PDE1C: variants seen among roughly 807,000 people sequenced by gnomAD.
The protein encoded by PDE1C is phosphodiesterase 1C.
PDE1C carries 62 observed loss-of-function variants against 93.1 expected under a neutral mutation model. The observed-to-expected ratio is 0.67, with a 90% confidence interval of 0.54 to 0.82. The LOEUF is 0.82. Among genes scored for constraint, PDE1C ranks in the 40% least tolerant of loss-of-function variants. The pLI, the probability that PDE1C is intolerant of heterozygous loss-of-function variation, is 0.00. For missense variants in PDE1C, 742 were observed against 884.6 expected (o/e 0.84, Z 2.04); for synonymous variants, 325 against 310.1 (o/e 1.05, Z -0.50).
intron 1 of PDE1C, among the ~76,000 whole-genome samples, chr7:32,251,250 C>G (rs777632646): frequency 4.0e-5 from 6 of 148,644 alleles, no homozygotes; most frequent in Non-Finnish European, 9.0e-5. Context: ...AGACCTAGAC[C>G]TGAATCCGGC....
At chr7:31,973,466 G>C (rs1309801445) in intron 2 of PDE1C, among the ~76,000 whole-genome samples, 1 of 152,108 alleles carries the variant, frequency 6.6e-6, no homozygotes, top group African/African-American at 2.4e-5. Context: ...ATGGGAAAAA[G>C]TCAAAGTTTG....
chr7:31,872,413 A>G (rs1796055630), intron 6 of PDE1C, among the ~76,000 whole-genome samples: 1 of 152,146 alleles, frequency 6.6e-6, no homozygotes, highest in Non-Finnish European at 1.5e-5. Flanking sequence ...AGAAATGATA[A>G]ATAATGCGGG....
chr7:31,737,774 C>T, the PDE1C span, among the ~76,000 whole-genome samples: 3 of 135,456 alleles, frequency 2.2e-5, no homozygotes, highest in African/African-American at 8.9e-5. Context: ...GCACTCCAGC[C>T]TGGGTGAGAG....
chr7:31,780,532 A>G (rs1783325303), intron 16 of PDE1C, among the ~76,000 whole-genome samples: 1 of 152,206 alleles, frequency 6.6e-6, no homozygotes, highest in African/African-American at 2.4e-5. Flanking sequence ...TTAAATTTGC[A>G]TGATTTTAGA....
chr7:32,260,332 C>A (rs1810106947), intron 1 of PDE1C, among the ~76,000 whole-genome samples: 1 of 152,232 alleles, frequency 6.6e-6, no homozygotes, highest in Admixed American at 6.5e-5. Flanking sequence ...CCTTATTCAA[C>A]TTTTCTCAGT....
the PDE1C span, among the ~76,000 whole-genome samples, chr7:31,623,833 C>T: frequency 6.6e-6 from 1 of 152,128 alleles, no homozygotes; most frequent in African/African-American, 2.4e-5. Flanking sequence ...GTCAAATTGT[C>T]CCTGTTTGCA....
At position 32,344,568 on chromosome 7, in the gene PDE1C, T is replaced by G. The variant is rs186532520; in HGVS notation, c.310+83254A>C. ...GCACTAACTGAGGCCTCTCCCTTTGTTTTTCTTTCCCCCAGATATCACTTT... is the reference window on the plus strand; with the variant it reads ...GCACTAACTGAGGCCTCTCCCTTTGGTTTTCTTTCCCCCAGATATCACTTT... On this transcript the variant is annotated intron_variant, in intron 1 of 1. Transcript: ENST00000672256. 2.0e-5 allele frequency among the ~76,000 whole-genome samples: 3 copies of G among 152,214 alleles called. No individual in the cohort carries two copies. The East Asian group carries it at 5.8e-4, about 29-fold the overall frequency.
chr7:32,023,537 A>C (rs1016977584), intron 2 of PDE1C, among the ~76,000 whole-genome samples: 3 of 152,074 alleles, frequency 2.0e-5, no homozygotes, highest in Non-Finnish European at 2.9e-5. Context: ...AACATCCTTC[A>C]GGGCATGAAT....
chr7:32,082,757 C>T (rs900419922), intron 3 of PDE1C, among the ~76,000 whole-genome samples: 6 of 152,224 alleles, frequency 3.9e-5, no homozygotes, highest in Non-Finnish European at 7.3e-5. Context: ...TGAAGTGGAC[C>T]TCTAGCAAAC....
chr7:32,163,249 C>T (rs780654705), intron 3 of PDE1C, among the ~76,000 whole-genome samples: 5 of 152,042 alleles, frequency 3.3e-5, no homozygotes, highest in Non-Finnish European at 7.4e-5. Flanking sequence ...AGGGCGGGGC[C>T]GAAGCTCCAG....
intron 9 of PDE1C, among the ~76,000 whole-genome samples, chr7:31,840,819 T>C (rs1791768843): frequency 6.6e-6 from 1 of 152,148 alleles, no homozygotes; most frequent in Non-Finnish European, 1.5e-5. Context: ...ATACTGTAAC[T>C]TAAGCATGCT....
At chr7:32,011,932 G>A (rs1787178236) in intron 2 of PDE1C, among the ~76,000 whole-genome samples, 1 of 152,106 alleles carries the variant, frequency 6.6e-6, no homozygotes, top group Non-Finnish European at 1.5e-5. Flanking sequence ...CCAAATGCCA[G>A]CCAACAGTGA....
At chr7:31,692,655 C>T in the PDE1C span, 2 of 761,262 alleles carry the variant, frequency 2.6e-6, no homozygotes, top group Non-Finnish European at 4.3e-6. Context: ...TGGTGACAGC[C>T]AACACCAGAT....
Position 32,070,335 on chromosome 7 carries a change from T to C in PDE1C, c.59A>G (p.Gln20Arg). Residue 20 changes from glutamine to arginine, a missense_variant, in exon 1 of 18, where the codon CAA becomes CGA. Physicochemically the swap from Gln to Arg is conservative, Grantham distance 43 (BLOSUM62 1). Coordinates refer to ENST00000396191, the MANE Select transcript of PDE1C (RefSeq NM_001191057.4). Reference protein sequence around the residue: ...EFESNSLKYLQPEQIEKIWLR... With the variant: ...EFESNSLKYLRPEQIEKIWLR... ...CCAGATTTTCTCGATCTGTTCCGGT[T>C]GCAGGTATTTCAGAGAGTTGCTCTC... 1 of 1,614,238 alleles carries C rather than the reference T, an allele frequency of 6.2e-7. No homozygotes were observed. The highest frequency in any genetic ancestry group is 8.5e-7 in the Non-Finnish European group (1 of 1,180,042).
the PDE1C span, among the ~76,000 whole-genome samples, chr7:31,633,979 G>A: frequency 8.5e-5 from 13 of 152,102 alleles, no homozygotes; most frequent in Admixed American, 3.3e-4. Context: ...GAATTCAGAA[G>A]CTTTTATTAC....
intron 2 of PDE1C, among the ~76,000 whole-genome samples, chr7:32,014,237 C>A (rs557632013): frequency 2.0e-5 from 3 of 152,110 alleles, no homozygotes; most frequent in South Asian, 2.1e-4. Flanking sequence ...AACTCACATG[C>A]CAAAGGTATT....
At chr7:31,883,628 C>G (rs1344831088) in intron 2 of PDE1C, among the ~76,000 whole-genome samples, 1 of 152,164 alleles carries the variant, frequency 6.6e-6, no homozygotes, top group African/African-American at 2.4e-5. Context: ...TAATTTTTAA[C>G]AATTCCCACT....
At chr7:31,692,617 C>A in the PDE1C span, 2 of 1,158,830 alleles carry the variant, frequency 1.7e-6, no homozygotes, top group East Asian at 2.4e-5. Flanking sequence ...GAGAGGGCAC[C>A]CCCCGAAACC....
the PDE1C span, chr7:31,692,377 C>T: frequency 1.5e-6 from 2 of 1,301,118 alleles, no homozygotes; most frequent in South Asian, 2.4e-5. Context: ...CAGAGCCATA[C>T]TTATTAACTG....
Sources: gnomAD v4.1 joint callset for allele counts (sites outside exome capture counted in the v4.1 genomes callset) on GRCh38, gnomAD v4.1.1 for gene constraint, MANE v1.5 for transcripts, NCBI Gene and HGNC (gene_info 2026-07-23, HGNC 2026-07-21) for gene names.